ADAM19: variants seen among roughly 807,000 people sequenced by gnomAD.
ADAM19 encodes ADAM metallopeptidase domain 19.
ADAM19 carries 65 observed loss-of-function variants against 114.7 expected under a neutral mutation model. That is an observed-to-expected ratio of 0.57 (90% CI 0.46 to 0.70). The LOEUF (loss-of-function observed/expected upper bound fraction) is 0.70, where lower values mean the gene tolerates loss of function less well. Ranked by LOEUF, ADAM19 falls within the 30% of genes least tolerant of loss-of-function variation. The pLI is 0.00. For missense variants in ADAM19, 1,063 were observed against 1,204.7 expected (o/e 0.88, Z 1.74); for synonymous variants, 466 against 460.5 (o/e 1.01, Z -0.15).
intron 15 of ADAM19, 126 bp downstream of exon 15, chr5:157,494,561 C>T: frequency 1.4e-6 from 1 of 709,794 alleles, no homozygotes; most frequent in Non-Finnish European, 2.4e-6. Context: ...AGATGACTGA[C>T]TTCAACTGAT....
At chr5:157,564,303 G>T in intron 3 of ADAM19, 70 bp downstream of exon 3, 1 of 1,441,130 alleles carries the variant, frequency 6.9e-7, no homozygotes, top group Non-Finnish European at 9.8e-7. Flanking sequence ...TTCCAGAACA[G>T]CGACACCTGC....
chr5:157,489,015 G>T, intron 20 of ADAM19, 87 bp downstream of exon 20: 3 of 894,484 alleles, frequency 3.4e-6, no homozygotes, highest in Non-Finnish European at 5.3e-6. Flanking sequence ...GGGCGACAGG[G>T]CAAGACTCCA....
At chr5:157,572,990 C>T (rs978827874) in intron 1 of ADAM19, among the ~76,000 whole-genome samples, 26 of 152,122 alleles carry the variant, frequency 1.7e-4, no homozygotes, top group African/African-American at 1.7e-4. Flanking sequence ...GCCAAGATTG[C>T]GCCAGTGCAC....
At chr5:157,549,966 T>C (rs377563811) in intron 3 of ADAM19, among the ~76,000 whole-genome samples, 2 of 152,170 alleles carry the variant, frequency 1.3e-5, no homozygotes, top group East Asian at 3.8e-4. Context: ...CCTCAAAAAC[T>C]TTACCCGAAG....
At chr5:157,537,167 C>T (rs1031502229) in intron 4 of ADAM19, among the ~76,000 whole-genome samples, 4 of 152,120 alleles carry the variant, frequency 2.6e-5, no homozygotes, top group African/African-American at 9.7e-5. Context: ...CCCTCGGGGT[C>T]GGGGCAACGC....
At chr5:157,566,002 A>G (rs1581359977) in intron 2 of ADAM19, 1 of 146,288 alleles carries the variant, frequency 6.8e-6, no homozygotes, top group East Asian at 2.1e-4. Context: ...CTAGCTATTC[A>G]GGAGGCTGAG....
At chr5:157,525,928 G>A (rs1035247543) in intron 5 of ADAM19, among the ~76,000 whole-genome samples, 3 of 152,250 alleles carry the variant, frequency 2.0e-5, no homozygotes, top group East Asian at 1.9e-4. Flanking sequence ...CAGGGCTGCT[G>A]TAATATAAGG....
Position 157,481,959 on chromosome 5 carries a change from TA to T in ADAM19, c.2551-17del, listed in dbSNP as rs1366801137. 1 of 1,565,682 alleles carries T rather than the reference TA, an allele frequency of 6.4e-7. No individual in the cohort carries two copies. Among genetic ancestry groups the T allele is most frequent in the African/African-American group, 1.4e-5 (1 of 73,192 alleles). ...TGGAGAAGTCCTGGAGAGAAAGCAA[TA>T]AGCCTCACTTGAAGGCCAGAGGCCT... On this transcript the variant is annotated splice_polypyrimidine_tract_variant and intron_variant, in intron 21 of 22. Transcript: ENST00000257527.
At chr5:157,496,060 C>G (rs1755355669) in intron 14 of ADAM19, among the ~76,000 whole-genome samples, 1 of 151,414 alleles carries the variant, frequency 6.6e-6, no homozygotes, top group Non-Finnish European at 1.5e-5. Context: ...CCACCTCAGC[C>G]TCCTGAGTAG....
chr5:157,532,352 G>T (rs1756649139), intron 4 of ADAM19, among the ~76,000 whole-genome samples: 3 of 152,216 alleles, frequency 2.0e-5, no homozygotes, highest in Non-Finnish European at 2.9e-5. Context: ...AAAAGAAGGG[G>T]CTTGAAATAA....
At chr5:157,486,056 T>C (rs1008906895) in intron 21 of ADAM19, among the ~76,000 whole-genome samples, 4 of 152,198 alleles carry the variant, frequency 2.6e-5, no homozygotes, top group East Asian at 3.9e-4. Flanking sequence ...CATCTATCAC[T>C]TCTCCAGGGG....
At chr5:157,485,341 A>C (rs1385985950) in intron 21 of ADAM19, among the ~76,000 whole-genome samples, 4 of 152,264 alleles carry the variant, frequency 2.6e-5, no homozygotes, top group Non-Finnish European at 4.4e-5. Context: ...CGAACAAATC[A>C]TAAATATACA....
chr5:157,530,769 G>A (rs1270727771), intron 5 of ADAM19, 38 bp downstream of exon 5: 2 of 1,559,012 alleles, frequency 1.3e-6, no homozygotes, highest in Non-Finnish European at 1.8e-6. Context: ...TTCCTGGGGA[G>A]AGTGCCCGGT....
At chr5:157,551,933 G>A (rs1319867937) in intron 3 of ADAM19, among the ~76,000 whole-genome samples, 1 of 152,106 alleles carries the variant, frequency 6.6e-6, no homozygotes, top group African/African-American at 2.4e-5. Flanking sequence ...CTTGAGACCA[G>A]GAGTTTGAGA....
intron 3 of ADAM19, among the ~76,000 whole-genome samples, chr5:157,563,328 G>T (rs533096016): frequency 6.6e-6 from 1 of 152,322 alleles, no homozygotes; most frequent in African/African-American, 2.4e-5. Context: ...CACTGCACAA[G>T]CTGTGAGTTG....
intron 3 of ADAM19, among the ~76,000 whole-genome samples, chr5:157,547,206 T>C (rs1039391290): frequency 6.6e-6 from 1 of 152,196 alleles, no homozygotes; most frequent in Non-Finnish European, 1.5e-5. Flanking sequence ...TTGAGTCTAA[T>C]TACCTATCTA....
chr5:157,485,233 C>A (rs1005038945), intron 21 of ADAM19, among the ~76,000 whole-genome samples: 2 of 152,198 alleles, frequency 1.3e-5, no homozygotes, highest in African/African-American at 4.8e-5. Flanking sequence ...TCAGGACAAC[C>A]TTTAAATCTT....
chr5:157,477,798 C>T lies in ADAM19; in HGVS notation c.*3151G>A, dbSNP rs964251734. 38 of 1,177,318 alleles carry T rather than the reference C, an allele frequency of 3.2e-5. No homozygotes were observed. The highest frequency in any genetic ancestry group is 1.9e-4 in the South Asian group (15 of 78,524). The allele number at this position is 1,177,318 out of a possible 1,614,324, so 72.9% of individuals were successfully genotyped here. A position where few individuals can be genotyped will look rare whatever the true frequency, so the allele number is the denominator to read the frequency against. ...AGACTTCCAATAAAGATTGGAAAGGCGTATTGCAGGAGGTGGGGAGGGGCT... is the reference window on the plus strand; with the variant it reads ...AGACTTCCAATAAAGATTGGAAAGGTGTATTGCAGGAGGTGGGGAGGGGCT... On this transcript the variant is annotated 3_prime_UTR_variant, in exon 23 of 23. Transcript: ENST00000257527.
intron 15 of ADAM19, 43 bp from the exon 16 acceptor site, chr5:157,493,220 C>A (rs771987465): frequency 5.6e-6 from 9 of 1,598,324 alleles, no homozygotes; most frequent in Admixed American, 1.7e-5. Context: ...GAATCAGAGG[C>A]AGAGGAAGAG....
Sources: allele counts gnomAD v4.1 joint callset (sites outside exome capture counted in the v4.1 genomes callset), GRCh38; gene constraint gnomAD v4.1.1; transcripts MANE v1.5; gene names NCBI Gene and HGNC (gene_info 2026-07-23, HGNC 2026-07-21).